Variants in FBXL13 observed in about 807,000 individuals in gnomAD.
FBXL13 encodes F-box and leucine-rich repeat protein 13.
In FBXL13, 67 loss-of-function variants were observed where a neutral mutation model predicts 83.6. The ratio of observed to expected loss-of-function variants is 0.80; its 90% confidence interval spans 0.66 to 0.98. The LOEUF (loss-of-function observed/expected upper bound fraction) is 0.98, where lower values mean the gene tolerates loss of function less well. FBXL13 is among the 50% of genes least tolerant of loss of function. FBXL13 has a pLI of 0.00. For synonymous variants in FBXL13, 272 were observed against 299.5 expected, an observed-to-expected ratio of 0.91 and a Z score of 0.95; for missense variants, 822 against 866.5, an observed-to-expected ratio of 0.95 and a Z score of 0.64.
chr7:103,027,338 T>A, intron 5 of FBXL13, 111 bp downstream of exon 6: 1 of 661,184 alleles, frequency 1.5e-6, no homozygotes, highest in African/African-American at 1.8e-5. Context: ...CCATCAAAAG[T>A]AGATAATATT....
chr7:103,052,150 T>C, intron 2 of FBXL13, among the ~76,000 whole-genome samples: 1 of 152,248 alleles, frequency 6.6e-6, no homozygotes, highest in Non-Finnish European at 1.5e-5. Context: ...CCTTTGAAGT[T>C]TTTTGTTGAA....
rs1491404858 is a variant in FBXL13, at chr7:102,983,421, CCT to C, written c.496-15306_496-15305del. On this transcript the variant is annotated intron_variant, in intron 6 of 19. Coordinates refer to ENST00000313221, the Ensembl canonical transcript of FBXL13. The stretch of plus-strand genomic sequence containing the variant: ...AACCCATTCTGGTTTTCTTTTTTCC[CCT>C]TTTTTTTTTTTTTTTGAGTGGGGTC... Among the ~76,000 whole-genome samples the C allele has an allele frequency of 3.6e-4, 53 of 145,480 alleles. 2 individuals are homozygous for C. The highest frequency in any genetic ancestry group is 7.1e-3 in the Middle Eastern group (2 of 282).
intron 8 of FBXL13, chr7:102,934,741 T>C: frequency 7.1e-7 from 1 of 1,416,988 alleles, no homozygotes; most frequent in South Asian, 1.4e-5. Flanking sequence ...GCTCTTTGAA[T>C]CTTATAATCC....
chr7:103,003,636 C>T (rs1056930549), intron 6 of FBXL13, among the ~76,000 whole-genome samples: 21 of 151,868 alleles, frequency 1.4e-4, no homozygotes, highest in African/African-American at 4.8e-4. Context: ...GACTGGAATG[C>T]AGTGGCATGA....
chr7:102,966,900 A>T (rs1186598277), intron 7 of FBXL13, among the ~76,000 whole-genome samples: 1 of 151,998 alleles, frequency 6.6e-6, no homozygotes. Flanking sequence ...CACTCCAAAA[A>T]CCTCTGCTCT....
At chr7:103,040,723 TC>T (rs765826633) in intron 2 of FBXL13, among the ~76,000 whole-genome samples, 1 of 152,136 alleles carries the variant, frequency 6.6e-6, no homozygotes, top group Non-Finnish European at 1.5e-5. Flanking sequence ...CCTGAATGAC[TC>T]CTGGCTAAAT....
intron 17 of FBXL13, among the ~76,000 whole-genome samples, chr7:102,841,870 G>T (rs1267370534): frequency 6.6e-6 from 1 of 152,158 alleles, no homozygotes; most frequent in Non-Finnish European, 1.5e-5. Context: ...AAGCAGCACA[G>T]ATTTCCATAG....
intron 2 of FBXL13, chr7:103,030,977 G>A (rs1794452963): frequency 6.6e-6 from 1 of 151,876 alleles, no homozygotes; most frequent in African/African-American, 2.4e-5. Flanking sequence ...AGCGAGGGAG[G>A]GGAAAGGAAG....
chr7:103,016,783 C>T (rs1207785031), intron 6 of FBXL13, among the ~76,000 whole-genome samples: 8 of 152,190 alleles, frequency 5.3e-5, no homozygotes, highest in Admixed American at 1.3e-4. Context: ...GGGGGAGGGG[C>T]GCCCGCCATT....
chr7:103,034,621 G>A (rs917341207), intron 2 of FBXL13, among the ~76,000 whole-genome samples: 2 of 152,212 alleles, frequency 1.3e-5, no homozygotes, highest in African/African-American at 2.4e-5. Flanking sequence ...AGCCGGTTCC[G>A]GCCTTGGCCA....
intron 11 of FBXL13, among the ~76,000 whole-genome samples, chr7:102,890,949 A>C (rs373424697): frequency 1.3e-5 from 2 of 152,196 alleles, no homozygotes; most frequent in African/African-American, 2.4e-5. Flanking sequence ...AGTAATATCC[A>C]TATATTTTTA....
At chr7:103,004,693 T>C (rs1367734038) in intron 6 of FBXL13, among the ~76,000 whole-genome samples, 1 of 152,186 alleles carries the variant, frequency 6.6e-6, no homozygotes, top group African/African-American at 2.4e-5. Context: ...ATTTTCTGCA[T>C]GGTCCCTGGT....
intron 17 of FBXL13, among the ~76,000 whole-genome samples, chr7:102,837,454 T>A (rs1802194944): frequency 6.6e-6 from 1 of 152,218 alleles, no homozygotes; most frequent in African/African-American, 2.4e-5. Flanking sequence ...AATTAGATGG[T>A]GATGTGAGGG....
At chr7:102,867,698 T>A (rs1338081746) in intron 16 of FBXL13, among the ~76,000 whole-genome samples, 170 of 77,526 alleles carry the variant, frequency 2.2e-3, no homozygotes, top group African/African-American at 6.8e-3. Flanking sequence ...TATATATATT[T>A]TTTTTTTTTT....
chr7:103,046,329 C>T (rs1323821936), intron 2 of FBXL13, among the ~76,000 whole-genome samples: 1 of 152,212 alleles, frequency 6.6e-6, no homozygotes, highest in Non-Finnish European at 1.5e-5. Flanking sequence ...ATAGGCTTTA[C>T]ATTAGAATCT....
intron 6 of FBXL13, among the ~76,000 whole-genome samples, chr7:103,006,158 C>T (rs1790967252): frequency 6.6e-6 from 1 of 152,140 alleles, no homozygotes; most frequent in South Asian, 2.1e-4. Context: ...GAAGCGGTGC[C>T]AGATAGTCTC....
chr7:103,071,211 G>T (rs1157151232), intron 1 of FBXL13, among the ~76,000 whole-genome samples: 1 of 149,588 alleles, frequency 6.7e-6, no homozygotes, highest in Non-Finnish European at 1.5e-5. Context: ...ACAAGGTAAA[G>T]AAAAAGAAAA....
intron 2 of FBXL13, chr7:103,030,254 T>C (rs923388748): frequency 6.6e-6 from 1 of 152,196 alleles, no homozygotes; most frequent in South Asian, 2.1e-4. Flanking sequence ...TTAACAGATA[T>C]GGCATACACA....
chr7:102,990,295 T>C (rs138583049), intron 6 of FBXL13, among the ~76,000 whole-genome samples: 1 of 152,066 alleles, frequency 6.6e-6, no homozygotes, highest in East Asian at 1.9e-4. Flanking sequence ...GATAGAGAAA[T>C]AATTCCCAGA....
Sources: gnomAD v4.1 joint callset for allele counts (sites outside exome capture counted in the v4.1 genomes callset) on GRCh38, gnomAD v4.1.1 for gene constraint, MANE v1.5 for transcripts, NCBI Gene and HGNC (gene_info 2026-07-23, HGNC 2026-07-21) for gene names.